CIAO2A: variants seen among roughly 807,000 people sequenced by gnomAD.
CIAO2A encodes the protein MIP18 family protein FAM96A.
CIAO2A carries 17 observed loss-of-function variants against 22.4 expected under a neutral mutation model. The ratio of observed to expected loss-of-function variants is 0.76; its 90% CI spans 0.52 to 1.14. The LOEUF is 1.14. CIAO2A is among the 50% of genes most tolerant of loss of function. The probability of loss-of-function intolerance (pLI) is 0.00; values close to 1 mark genes in which losing one functional copy is unlikely to be tolerated. For synonymous variants in CIAO2A, 74 were observed against 72.3 expected (o/e 1.02, Z -0.12); for missense variants, 192 against 191.4 (o/e 1.00, Z -0.02).
chr15:64,084,711 G>A (rs1190249520), intron 2 of CIAO2A, among the ~76,000 whole-genome samples: 1 of 152,140 alleles, frequency 6.6e-6, no homozygotes. Context: ...GGAGGTTGTG[G>A]TGAACCAAGA....
In CIAO2A at chr15:64,075,189, CAAAGA is replaced by C. The variant is rs570363935; in HGVS notation, c.385+298_385+302del. Reference sequence around the variant, plus strand: ...AGTACACAGCTCTCTATCCTGTCACCAAAGAAAAGAAGCCTACTTAGAGCTCATAA... The same window carrying C: ...AGTACACAGCTCTCTATCCTGTCACCAAAGAAGCCTACTTAGAGCTCATAA... On this transcript the variant is annotated intron_variant, in intron 4 of 4. Transcript: ENST00000300030. 1.5e-3 allele frequency: 305 copies of C among 206,990 alleles called. 1 individual carries two copies. The highest frequency in any genetic ancestry group is 6.2e-3 in the African/African-American group (269 of 43,228). 12.8% of individuals were successfully genotyped at this position (206,990 alleles called of 1,614,324 possible).
At chr15:64,078,003 G>T (rs904372560) in intron 3 of CIAO2A, among the ~76,000 whole-genome samples, 1 of 152,172 alleles carries the variant, frequency 6.6e-6, no homozygotes, top group Non-Finnish European at 1.5e-5. Flanking sequence ...GTGTATGTGT[G>T]TGTACATATA....
At chr15:64,090,534 G>T (rs1256260260) in intron 1 of CIAO2A, among the ~76,000 whole-genome samples, 1 of 152,144 alleles carries the variant, frequency 6.6e-6, no homozygotes, top group Non-Finnish European at 1.5e-5. Context: ...CTAACTTAGG[G>T]ATCAGAATGA....
intron 2 of CIAO2A, among the ~76,000 whole-genome samples, chr15:64,084,194 T>C (rs976799533): frequency 1.3e-5 from 2 of 152,092 alleles, no homozygotes; most frequent in Admixed American, 1.3e-4. Context: ...AGCTTTTTCA[T>C]GTTTTTTTTC....
chr15:64,086,673 G>A (rs1230296144), intron 2 of CIAO2A, among the ~76,000 whole-genome samples: 4 of 151,296 alleles, frequency 2.6e-5, no homozygotes, highest in Admixed American at 2.6e-4. Flanking sequence ...GAGTGCAGTG[G>A]CGCAATCTCA....
intron 1 of CIAO2A, among the ~76,000 whole-genome samples, chr15:64,092,858 A>C (rs771629420): frequency 2.6e-5 from 4 of 152,244 alleles, no homozygotes; most frequent in Non-Finnish European, 5.9e-5. Context: ...TAATTAAAAA[A>C]ACAAACAAAC....
Position 64,081,084 on chromosome 15 carries a change from A to G in CIAO2A, c.339+18T>C, listed in dbSNP as rs753418397. ...CTGTTTTACAACAACAACAACAACA[A>G]AAATACATCTTTCTTACCTTATGTT... On this transcript the variant is annotated intron_variant, in intron 3 of 4. Transcript: ENST00000300030. The G allele has an allele frequency of 3.7e-6, 6 of 1,610,976 alleles. No individual in the cohort carries two copies. In the East Asian group the frequency reaches 1.1e-4, roughly 30 times the overall value.
intron 1 of CIAO2A, among the ~76,000 whole-genome samples, 186 bp downstream of exon 1, chr15:64,093,459 C>T (rs1037676161): frequency 6.6e-6 from 1 of 151,980 alleles, no homozygotes; most frequent in South Asian, 2.1e-4. Flanking sequence ...ACACCCCCCA[C>T]GTGACTTAGG....
chr15:64,086,344 G>A (rs879583806), intron 2 of CIAO2A, among the ~76,000 whole-genome samples: 95 of 152,070 alleles, frequency 6.2e-4, no homozygotes, highest in East Asian at 2.8e-3. Context: ...CCTGGCAGGC[G>A]GAGGTTGCAG....
At chr15:64,090,682 C>T (rs1365881555) in intron 1 of CIAO2A, among the ~76,000 whole-genome samples, 1 of 152,136 alleles carries the variant, frequency 6.6e-6, no homozygotes, top group Non-Finnish European at 1.5e-5. Context: ...AAAGCAGTTT[C>T]AGTAGAGAGT....
chr15:64,092,589 T>C (rs1003288647), intron 1 of CIAO2A, among the ~76,000 whole-genome samples: 24 of 152,222 alleles, frequency 1.6e-4, no homozygotes, highest in African/African-American at 5.3e-4. Flanking sequence ...CCCTAGATTA[T>C]GTGGACAGAG....
In CIAO2A at chr15:64,072,621, G is replaced by A. The variant is rs1367462972; in HGVS notation, c.*310C>T. Reference sequence around the variant, plus strand: ...TAATGATTTAAATTGAGTACATTTGGGCACAGTAGATATTTGACACGAAAA... The same window carrying A: ...TAATGATTTAAATTGAGTACATTTGAGCACAGTAGATATTTGACACGAAAA... On this transcript the variant is annotated 3_prime_UTR_variant, in exon 5 of 5. Transcript: ENST00000300030. 7 of 213,208 alleles carry A rather than the reference G, an allele frequency of 3.3e-5. No individual in the cohort carries two copies. Among genetic ancestry groups the A allele is most frequent in the Admixed American group, 1.7e-4 (3 of 17,254 alleles). The allele number at this position is 213,208 out of a possible 1,614,324, so 13.2% of individuals were successfully genotyped here. A position where few individuals can be genotyped will look rare whatever the true frequency, so the allele number is the denominator to read the frequency against.
chr15:64,074,008 A>C (rs888073662), intron 4 of CIAO2A, among the ~76,000 whole-genome samples: 1 of 152,264 alleles, frequency 6.6e-6, no homozygotes, highest in Non-Finnish European at 1.5e-5. Context: ...TTCCTTGACT[A>C]ATAGGAAAAT....
intron 1 of CIAO2A, 59 bp downstream of exon 1, chr15:64,093,586 C>A: frequency 6.5e-7 from 1 of 1,549,012 alleles, no homozygotes; most frequent in Non-Finnish European, 8.8e-7. Flanking sequence ...CATCCCCGCA[C>A]CCCTCAGCTC....
At chr15:64,084,598 CAT>C (rs2080779528) in intron 2 of CIAO2A, among the ~76,000 whole-genome samples, 1 of 151,880 alleles carries the variant, frequency 6.6e-6, no homozygotes, top group South Asian at 2.1e-4. Context: ...AGAGAAACCA[CAT>C]CTCTATTAAA....
chr15:64,081,452 T>A (rs987408080), intron 2 of CIAO2A, among the ~76,000 whole-genome samples: 5 of 152,096 alleles, frequency 3.3e-5, no homozygotes, highest in African/African-American at 7.2e-5. Flanking sequence ...GAATTGGGAT[T>A]GGAACCTATG....
chr15:64,080,468 G>T (rs554863781), intron 3 of CIAO2A, among the ~76,000 whole-genome samples: 1 of 152,208 alleles, frequency 6.6e-6, no homozygotes, highest in Non-Finnish European at 1.5e-5. Context: ...GGATCATGAG[G>T]TCAGGAGTTC....
chr15:64,082,520 G>C (rs1302324534), intron 2 of CIAO2A, among the ~76,000 whole-genome samples: 2 of 152,034 alleles, frequency 1.3e-5, no homozygotes, highest in African/African-American at 4.8e-5. Flanking sequence ...GAGCCACCGC[G>C]CCCGACCTTA....
chr15:64,088,839 G>C lies in CIAO2A; in HGVS notation c.137C>G (p.Thr46Ser), dbSNP rs761466140. The change falls in exon 2 of 5, where the codon ACT becomes AGT. Residue 46 changes from threonine to serine, a missense_variant. Thr to Ser is a moderately conservative substitution (Grantham distance 58). Coordinates refer to ENST00000300030, the MANE Select transcript of CIAO2A (RefSeq NM_032231.7). ...KALEVYDLIR[T>S]IRDPEKPNTL... ...ATTGGGCTTTTCTGGGTCCCGGATA[G>C]TTCTAATCAAATCTAAAGAATCATC... 20 of 1,608,804 alleles carry C rather than the reference G, an allele frequency of 1.2e-5. No homozygotes were observed. In the South Asian group the frequency reaches 1.8e-4, roughly 14 times the overall value.
Sources: allele counts gnomAD v4.1 joint callset (sites outside exome capture counted in the v4.1 genomes callset), GRCh38; gene constraint gnomAD v4.1.1; transcripts MANE v1.5; gene names NCBI Gene and HGNC (gene_info 2026-07-23, HGNC 2026-07-21).